GALNT13: variants seen among roughly 807,000 people sequenced by gnomAD.
GALNT13 encodes the protein polypeptide N-acetylgalactosaminyltransferase 13, also known as UDP-GalNAc:polypeptide N-acetylgalactosaminyltransferase 13.
In GALNT13, 28 loss-of-function variants were observed where a neutral mutation model predicts 64.2. The observed-to-expected ratio is 0.44, with a 90% CI of 0.32 to 0.60. The LOEUF (loss-of-function observed/expected upper bound fraction) is 0.60. Ranked by LOEUF, GALNT13 falls within the 20% of genes least tolerant of loss-of-function variation. The pLI, the probability that GALNT13 is intolerant of heterozygous loss-of-function variation, is 0.05. For missense variants in GALNT13, 577 were observed against 669.8 expected (o/e 0.86, Z 1.53); for synonymous variants, 214 against 224.6 (o/e 0.95, Z 0.42).
chr2:153,417,451 A>G, the GALNT13 span, among the ~76,000 whole-genome samples: 1 of 152,182 alleles, frequency 6.6e-6, no homozygotes, highest in Non-Finnish European at 1.5e-5. Flanking sequence ...ATGCAAATAG[A>G]GAGATGGATA....
chr2:153,664,409 C>A, the GALNT13 span, among the ~76,000 whole-genome samples: 1 of 152,140 alleles, frequency 6.6e-6, no homozygotes, highest in Non-Finnish European at 1.5e-5. Flanking sequence ...CTCCCTTGTT[C>A]CCTGAAAATC....
chr2:153,942,066 G>C (rs1252420275), intron 2 of GALNT13, among the ~76,000 whole-genome samples: 1 of 152,058 alleles, frequency 6.6e-6, no homozygotes, highest in Non-Finnish European at 1.5e-5. Context: ...ACTTATCTTA[G>C]ACATTTCAAT....
chr2:154,200,052 T>TG (rs1453910759), intron 4 of GALNT13, among the ~76,000 whole-genome samples: 3 of 152,048 alleles, frequency 2.0e-5, no homozygotes, highest in African/African-American at 7.2e-5. Context: ...GTAATTTATT[T>TG]ATTTTTTGTG....
the GALNT13 span, among the ~76,000 whole-genome samples, chr2:153,316,101 A>G: frequency 1.3e-5 from 2 of 152,034 alleles, no homozygotes; most frequent in Non-Finnish European, 2.9e-5. Context: ...GTGTAAAACA[A>G]AAGGACTGAA....
chr2:153,072,274 C>A, the GALNT13 span, among the ~76,000 whole-genome samples: 2,430 of 152,208 alleles, frequency 0.016, 72 homozygotes, highest in African/African-American at 0.055. Flanking sequence ...CAGTGTGGGA[C>A]CGGAGCAGGA....
At chr2:153,566,359 T>G in the GALNT13 span, among the ~76,000 whole-genome samples, 121 of 140,866 alleles carry the variant, frequency 8.6e-4, 4 homozygotes, top group African/African-American at 3.2e-3. Flanking sequence ...TTTTTTTTTT[T>G]TTTTTTTTTT....
At chr2:154,143,378 T>C (rs1683375581) in intron 4 of GALNT13, among the ~76,000 whole-genome samples, 1 of 152,036 alleles carries the variant, frequency 6.6e-6, no homozygotes, top group South Asian at 2.1e-4. Flanking sequence ...TGTAGTGTGA[T>C]AAAATGAGTG....
chr2:153,592,232 G>T, the GALNT13 span, among the ~76,000 whole-genome samples: 1 of 152,056 alleles, frequency 6.6e-6, no homozygotes, highest in African/African-American at 2.4e-5. Context: ...ATATATTGTT[G>T]GTAGGAATGT....
intron 2 of GALNT13, among the ~76,000 whole-genome samples, chr2:153,916,504 G>A (rs1352324758): frequency 2.8e-4 from 33 of 116,046 alleles, no homozygotes; most frequent in Non-Finnish European, 1.8e-5. Context: ...AAAATGCACA[G>A]GTTCTAACAT....
the GALNT13 span, among the ~76,000 whole-genome samples, chr2:153,409,979 G>C: frequency 6.6e-6 from 1 of 152,188 alleles, no homozygotes; most frequent in South Asian, 2.1e-4. Flanking sequence ...TTCTAGGACA[G>C]AGTGAAAGAT....
At chr2:153,942,583 A>G (rs909802240) in intron 2 of GALNT13, among the ~76,000 whole-genome samples, 1 of 152,124 alleles carries the variant, frequency 6.6e-6, no homozygotes, top group Admixed American at 6.6e-5. Context: ...TCATTTTTAT[A>G]GAAAATTAAA....
At chr2:153,203,936 T>C in the GALNT13 span, among the ~76,000 whole-genome samples, 1 of 152,080 alleles carries the variant, frequency 6.6e-6, no homozygotes, top group Admixed American at 6.6e-5. Flanking sequence ...GTGAAAAGTA[T>C]GAGAAAGTAA....
chr2:153,581,721 A>C, the GALNT13 span, among the ~76,000 whole-genome samples: 1 of 152,138 alleles, frequency 6.6e-6, no homozygotes, highest in Non-Finnish European at 1.5e-5. Context: ...TTACTTATTC[A>C]GTAAAGATTT....
the GALNT13 span, among the ~76,000 whole-genome samples, chr2:153,484,705 T>G: frequency 2.4e-3 from 359 of 152,270 alleles, 1 homozygote; most frequent in African/African-American, 7.3e-3. Flanking sequence ...AATGATTAAA[T>G]CAGAATTTCT....
the GALNT13 span, among the ~76,000 whole-genome samples, chr2:153,630,808 T>TTTA: frequency 9.1e-3 from 153 of 16,896 alleles, 4 homozygotes; most frequent in African/African-American, 0.011. Context: ...TATATATATA[T>TTTA]TTTTTTTTTT....
At chr2:154,049,948 A>C (rs559727977) in intron 3 of GALNT13, among the ~76,000 whole-genome samples, 14 of 152,240 alleles carry the variant, frequency 9.2e-5, no homozygotes, top group Admixed American at 2.0e-4. Context: ...CCAAAATCAC[A>C]ATATAGCTAA....
chr2:153,217,355 A>G, the GALNT13 span, among the ~76,000 whole-genome samples: 2 of 152,026 alleles, frequency 1.3e-5, no homozygotes, highest in Non-Finnish European at 2.9e-5. Flanking sequence ...TCTTGAATAT[A>G]TGGTTTGTTG....
chr2:154,126,016 G>A (rs1024121225), intron 3 of GALNT13, among the ~76,000 whole-genome samples: 1 of 152,124 alleles, frequency 6.6e-6, no homozygotes, highest in Non-Finnish European at 1.5e-5. Flanking sequence ...TCAGGAGGGA[G>A]CACATGAGGT....
At chr2:153,197,713 A>C in the GALNT13 span, among the ~76,000 whole-genome samples, 2 of 152,294 alleles carry the variant, frequency 1.3e-5, no homozygotes, top group South Asian at 4.1e-4. Context: ...GTGTGCCAAA[A>C]CACAGAGGCC....
Sources: allele counts gnomAD v4.1 joint callset (sites outside exome capture counted in the v4.1 genomes callset), GRCh38; gene constraint gnomAD v4.1.1; transcripts MANE v1.5; gene names NCBI Gene and HGNC (gene_info 2026-07-23, HGNC 2026-07-21).